Variants in PLEKHO1 observed in about 807,000 individuals in gnomAD.
PLEKHO1 encodes the protein pleckstrin homology domain containing O1, also known as pleckstrin homology domain-containing family O member 1.
Under a neutral mutation model 41.4 loss-of-function variants are expected in PLEKHO1, and 22 were observed. The ratio of observed to expected loss-of-function variants is 0.53; its 90% CI spans 0.38 to 0.76. The LOEUF is 0.76. Among genes scored for constraint, PLEKHO1 ranks in the 30% least tolerant of loss-of-function variants. PLEKHO1 has a pLI of 0.00. For missense variants in PLEKHO1, 488 were observed against 518.3 expected (o/e 0.94, Z 0.57); for synonymous variants, 225 against 210.8 (o/e 1.07, Z -0.58).
intron 4 of PLEKHO1, 155 bp downstream of exon 4, chr1:150,157,170 C>T (rs782790167): frequency 4.7e-5 from 33 of 695,722 alleles, no homozygotes; most frequent in Non-Finnish European, 8.0e-5. Flanking sequence ...TCTCTTTCTA[C>T]CTTCTCTCCA....
At position 150,157,430 on chromosome 1, in the gene PLEKHO1, A is replaced by G; in HGVS notation, c.469A>G (p.Arg157Gly). ...DSYLAHPTRD[R>G]AKIQHSRRPP... ...CTATCTTGCCCATCCCACTCGAGAC[A>G]GGGCAAAAATCCAGCACTCCCGCCG... Residue 157 changes from arginine to glycine, a missense_variant, in exon 5 of 6, where the codon AGG (arginine) becomes GGG (glycine). This residue lies in a region of PLEKHO1 where 59 missense variants were observed against 111.5 expected (regional missense o/e 0.53). Transcript: ENST00000369124. 1.2e-6 allele frequency: 2 copies of G among 1,614,056 alleles called. No individual in the cohort carries two copies. Among genetic ancestry groups the G allele is most frequent in the Non-Finnish European group, 1.7e-6 (2 of 1,179,938 alleles).
chr1:150,157,365 T>G lies in PLEKHO1; in HGVS notation c.424-20T>G, dbSNP rs1660216115. 1 of 1,574,628 alleles carries G rather than the reference T, an allele frequency of 6.4e-7. No homozygotes were observed. ...GCGAGTCGCTGAAGAGCACTCATGA[T>G]TCACAGTACATCTCTTCAGGTCACC... On this transcript the variant is annotated intron_variant, in intron 4 of 5. Coordinates refer to ENST00000369124, the MANE Select transcript of PLEKHO1 (RefSeq NM_016274.6).
At chr1:150,158,553 G>A (rs1468131283) in intron 5 of PLEKHO1, among the ~76,000 whole-genome samples, 3 of 152,106 alleles carry the variant, frequency 2.0e-5, no homozygotes, top group Non-Finnish European at 4.4e-5. Context: ...GCTGGGCGTG[G>A]TGGTGCACGC....
At chr1:150,151,098 C>A (rs1553818879) in intron 2 of PLEKHO1, 40 bp downstream of exon 2, 4 of 1,609,838 alleles carry the variant, frequency 2.5e-6, no homozygotes, top group Admixed American at 3.3e-5. Context: ...TTTCTCATAG[C>A]CCCCACTTTG....
chr1:150,158,258 G>T (rs1571951429), intron 5 of PLEKHO1, among the ~76,000 whole-genome samples: 1 of 152,136 alleles, frequency 6.6e-6, no homozygotes, highest in African/African-American at 2.4e-5. Flanking sequence ...AAGGAAGAGG[G>T]CGCCCCTCAG....
At position 150,159,187 on chromosome 1, in the gene PLEKHO1, C is replaced by T; in HGVS notation, c.894C>T (p.Ala298=). 1 of 1,613,654 alleles carries T rather than the reference C, an allele frequency of 6.2e-7. No homozygotes were observed. Among genetic ancestry groups the T allele is most frequent in the East Asian group, 2.2e-5 (1 of 44,882 alleles). ...GGGCTGAGGAACCCCCAACCCCTGC[C>T]CTCCCCAACCCGGGGCAGCTGTCCC... ...QLRAEEPPTP[A]LPNPGQLSRI... is the part of the protein sequence containing the mutation. Residue 298 remains alanine, a synonymous_variant, in exon 6 of 6, where the codon GCC becomes GCT. Coordinates refer to ENST00000369124, the MANE Select transcript of PLEKHO1 (RefSeq NM_016274.6).
Position 150,159,586 on chromosome 1 carries a change from A to G in PLEKHO1, c.*63A>G. ...ACTCTTATCTCCGTGTTGCTGGATA[A>G]AGCTTTTTTATTTACCTCAATCAAA... is the stretch of plus-strand genomic sequence containing the variant. On this transcript the variant is annotated 3_prime_UTR_variant, in exon 6 of 6. Coordinates refer to ENST00000369124, the MANE Select transcript of PLEKHO1 (RefSeq NM_016274.6). The G allele has an allele frequency of 8.9e-7, 1 of 1,119,890 alleles. No individual in the cohort carries two copies. Among genetic ancestry groups the G allele is most frequent in the Non-Finnish European group, 1.3e-6 (1 of 795,308 alleles). The allele number at this position is 1,119,890 out of a possible 1,614,324, so 69.4% of individuals were successfully genotyped here. A position where few individuals can be genotyped will look rare whatever the true frequency, so the allele number is the denominator to read the frequency against.
At chr1:150,155,935 G>A (rs1041018456) in intron 2 of PLEKHO1, 131 bp from the exon 3 acceptor site, 120 of 769,756 alleles carry the variant, frequency 1.6e-4, no homozygotes, top group Non-Finnish European at 2.3e-4. Flanking sequence ...TTGGGCAGAC[G>A]GCCCTCTCCT....
intron 5 of PLEKHO1, 38 bp from the exon 6 acceptor site, chr1:150,158,781 A>T: frequency 7.2e-7 from 1 of 1,396,402 alleles, no homozygotes; most frequent in Non-Finnish European, 9.9e-7. Context: ...ATCCCTCCTG[A>T]TGACAGGTTC....
chr1:150,159,345 T>TGCTGCTGGAGACGGAACG lies in PLEKHO1; in HGVS notation c.1061_1078dup (p.Glu354_Leu359dup). 2 of 1,614,184 alleles carry TGCTGCTGGAGACGGAACG rather than the reference T, an allele frequency of 1.2e-6. No homozygotes were observed. Among genetic ancestry groups the TGCTGCTGGAGACGGAACG allele is most frequent in the Non-Finnish European group, 1.7e-6 (2 of 1,180,042 alleles). ...CCGCCGGATTCTGAGTCAGAGCAGCTGCTGCTGGAGACGGAACGGCTGCTG... is the reference window on the plus strand; with the variant it reads ...CCGCCGGATTCTGAGTCAGAGCAGCTGCTGCTGGAGACGGAACGGCTGCTGGAGACGGAACGGCTGCTG... On this transcript the variant is annotated inframe_insertion, in exon 6 of 6. Transcript: ENST00000369124.
intron 2 of PLEKHO1, chr1:150,155,327 A>G (rs1402938658): frequency 1.3e-5 from 2 of 152,170 alleles, no homozygotes; most frequent in Non-Finnish European, 2.9e-5. Context: ...GTCTAAGTGC[A>G]TTCTTGCCTA....
intron 5 of PLEKHO1, 92 bp downstream of exon 5, chr1:150,157,578 A>G: frequency 2.4e-6 from 2 of 847,388 alleles, no homozygotes; most frequent in Non-Finnish European, 3.8e-6. Flanking sequence ...CATTTGCGGG[A>G]GGCCTCCTTG....
chr1:150,151,733 G>C (rs1308529038), intron 2 of PLEKHO1, among the ~76,000 whole-genome samples: 1 of 150,652 alleles, frequency 6.6e-6, no homozygotes, highest in Non-Finnish European at 1.5e-5. Flanking sequence ...AAGAACCCCT[G>C]TATGTCTTTG....
intron 2 of PLEKHO1, chr1:150,152,740 C>A (rs997459033): frequency 2.1e-5 from 3 of 145,216 alleles, no homozygotes; most frequent in African/African-American, 7.5e-5. Context: ...CTCCTGTCTT[C>A]CCCGAACTTC....
chr1:150,156,319 A>G, intron 3 of PLEKHO1, 113 bp downstream of exon 3: 1 of 850,392 alleles, frequency 1.2e-6, no homozygotes, highest in Non-Finnish European at 1.8e-6. Flanking sequence ...GATTCCCTGA[A>G]TTGCTCTCCT....
chr1:150,151,731 C>T (rs1372404182), intron 2 of PLEKHO1, among the ~76,000 whole-genome samples: 1 of 152,104 alleles, frequency 6.6e-6, no homozygotes, highest in Non-Finnish European at 1.5e-5. Flanking sequence ...TTAAGAACCC[C>T]TGTATGTCTT....
At chr1:150,157,248 GC>G (rs1660210936) in intron 4 of PLEKHO1, 136 bp from the exon 5 acceptor site, 3 of 762,746 alleles carry the variant, frequency 3.9e-6, no homozygotes, top group Admixed American at 2.1e-5. Flanking sequence ...AGCTTAAAGA[GC>G]CCCCTTCGTG....
At chr1:150,150,765 G>A (rs1659873832) in intron 1 of PLEKHO1, 147 bp from the exon 2 acceptor site, 1 of 655,392 alleles carries the variant, frequency 1.5e-6, no homozygotes, top group African/African-American at 1.8e-5. Context: ...CCTTTCCGAA[G>A]TGGGAGCGAA....
In PLEKHO1 at chr1:150,159,498, G is replaced by A. The variant is rs782348306; in HGVS notation, c.1205G>A (p.Ser402Asn). 1 of 1,610,594 alleles carries A rather than the reference G, an allele frequency of 6.2e-7. No homozygotes were observed. Among genetic ancestry groups the A allele is most frequent in the Non-Finnish European group, 8.5e-7 (1 of 1,177,858 alleles). The change falls in exon 6 of 6, where the codon AGT (serine) becomes AAT (asparagine). Residue 402 changes from serine to asparagine, a missense_variant. Coordinates refer to ENST00000369124, the MANE Select transcript of PLEKHO1 (RefSeq NM_016274.6). Reference sequence around the variant, plus strand: ...CACCTCAGACAGACCACCCCGCACAGTCAGTACCGGAAGAGCCTGATGTGA... The same window carrying A: ...CACCTCAGACAGACCACCCCGCACAATCAGTACCGGAAGAGCCTGATGTGA... ...DSHLRQTTPH[S>N]QYRKSLM
Sources: allele counts gnomAD v4.1 joint callset (sites outside exome capture counted in the v4.1 genomes callset), GRCh38; gene constraint gnomAD v4.1.1; regional missense constraint gnomAD v4.1.1; transcripts MANE v1.5; gene names NCBI Gene and HGNC (gene_info 2026-07-23, HGNC 2026-07-21).